The following CAMTA1 variants were observed in gnomAD, a reference collection of about 807,000 sequenced individuals.
The protein encoded by CAMTA1 is calmodulin binding transcription activator 1.
In CAMTA1, 27 loss-of-function variants were observed where a neutral mutation model predicts 170.9. That is an observed-to-expected ratio of 0.16 (90% CI 0.12 to 0.22). CAMTA1 has a LOEUF of 0.22. CAMTA1 is among the 10% of genes least tolerant of loss of function. The pLI, the probability that CAMTA1 is intolerant of heterozygous loss-of-function variation, is 1.00. For synonymous variants in CAMTA1, 833 were observed against 891.5 expected, an observed-to-expected ratio of 0.93 and a Z score of 1.17; for missense variants, 1,619 against 2,217.2, an observed-to-expected ratio of 0.73 and a Z score of 5.42.
chr1:6,845,604 CT>C (rs1415267040), intron 3 of CAMTA1, among the ~76,000 whole-genome samples: 1 of 152,170 alleles, frequency 6.6e-6, no homozygotes, highest in Non-Finnish European at 1.5e-5. Context: ...ATGTTGAAAA[CT>C]TTAAAGAAAC....
At position 7,566,570 on chromosome 1, in the gene CAMTA1, C is replaced by T. The variant is rs923923541; in HGVS notation, c.511-73830C>T. ...AACCTGGCCTAAGCAGGCAGGCAGC[C>T]CCAGCTCCAAGAAAATCACATGACC... On this transcript the variant is annotated intron_variant, in intron 6 of 22. Coordinates refer to ENST00000303635, the MANE Select transcript of CAMTA1 (RefSeq NM_015215.4). Among the ~76,000 whole-genome samples, 4 of 152,098 alleles carry T rather than the reference C, an allele frequency of 2.6e-5. No homozygotes were observed. The East Asian group carries it at 5.8e-4, about 22-fold the overall frequency.
chr1:7,488,199 C>T lies in CAMTA1; in HGVS notation c.510+20298C>T, dbSNP rs538488839. 5.6e-4 allele frequency among the ~76,000 whole-genome samples: 85 copies of T among 152,300 alleles called. 1 individual carries two copies. Among genetic ancestry groups the T allele is most frequent in the African/African-American group, 1.8e-3 (74 of 41,560 alleles). ...TCTAGAATCTCTCTAGGTGCTTGAT[C>T]CCAGGAGCTCTCAGGTGACCAGAGC... On this transcript the variant is annotated intron_variant, in intron 6 of 22. Coordinates refer to ENST00000303635, the MANE Select transcript of CAMTA1 (RefSeq NM_015215.4).
chr1:6,932,835 C>T (rs920450032), intron 3 of CAMTA1, among the ~76,000 whole-genome samples: 19 of 152,124 alleles, frequency 1.2e-4, no homozygotes, highest in African/African-American at 3.4e-4. Flanking sequence ...TTAAAAAAGT[C>T]GGGCTGTGTT....
intron 6 of CAMTA1, among the ~76,000 whole-genome samples, chr1:7,533,665 C>T (rs553830407): frequency 6.6e-6 from 1 of 152,282 alleles, no homozygotes; most frequent in Admixed American, 6.5e-5. Flanking sequence ...GTAATCCCAG[C>T]ACTTTGGGAG....
chr1:7,078,192 A>C (rs116552176), intron 3 of CAMTA1, among the ~76,000 whole-genome samples: 2 of 152,236 alleles, frequency 1.3e-5, no homozygotes, highest in African/African-American at 4.8e-5. Flanking sequence ...ACGCACATAG[A>C]ATCCTGCCAA....
chr1:6,844,893 C>T (rs1271216826), intron 3 of CAMTA1, among the ~76,000 whole-genome samples: 2 of 152,038 alleles, frequency 1.3e-5, no homozygotes, highest in Non-Finnish European at 2.9e-5. Flanking sequence ...ACATAAGTAA[C>T]TCGTGGATAT....
chr1:7,288,234 T>A (rs1351839054), intron 5 of CAMTA1, among the ~76,000 whole-genome samples: 3 of 152,228 alleles, frequency 2.0e-5, no homozygotes, highest in African/African-American at 7.2e-5. Context: ...CGTGGGGGTA[T>A]GAGAATACAC....
chr1:7,582,766 T>G lies in CAMTA1; in HGVS notation c.511-57634T>G, dbSNP rs1271457479. Among the ~76,000 whole-genome samples, 4 of 152,006 alleles carry G rather than the reference T, an allele frequency of 2.6e-5. No homozygotes were observed. In the East Asian group the frequency reaches 7.8e-4, roughly 30 times the overall value. ...AAACCACTGGCCAAGCAGAGTCACA[T>G]GGCTAGCTGCAGAGGGAGCTGGGAA... On this transcript the variant is annotated intron_variant, in intron 6 of 22. Coordinates refer to ENST00000303635, the MANE Select transcript of CAMTA1 (RefSeq NM_015215.4).
intron 6 of CAMTA1, among the ~76,000 whole-genome samples, chr1:7,498,076 G>A (rs1339203330): frequency 6.6e-6 from 1 of 152,104 alleles, no homozygotes; most frequent in Non-Finnish European, 1.5e-5. Flanking sequence ...GTGGGGAAGG[G>A]GTGCGGGGAG....
intron 6 of CAMTA1, among the ~76,000 whole-genome samples, chr1:7,558,443 C>A (rs956207781): frequency 1.3e-5 from 2 of 152,354 alleles, no homozygotes; most frequent in East Asian, 1.9e-4. Flanking sequence ...CCAGCAGGGC[C>A]CAGACAGCTG....
intron 4 of CAMTA1, among the ~76,000 whole-genome samples, chr1:7,199,588 G>A (rs1656260672): frequency 6.6e-6 from 1 of 152,126 alleles, no homozygotes; most frequent in Non-Finnish European, 1.5e-5. Flanking sequence ...TCCCACCCAA[G>A]GCAGCGGTGG....
chr1:7,451,954 C>T (rs549315993), intron 5 of CAMTA1, among the ~76,000 whole-genome samples: 1 of 152,304 alleles, frequency 6.6e-6, no homozygotes, highest in South Asian at 2.1e-4. Flanking sequence ...GGCAGGTGGG[C>T]CCCTTAGAAG....
intron 4 of CAMTA1, among the ~76,000 whole-genome samples, chr1:7,118,537 T>G (rs1383050108): frequency 6.6e-6 from 1 of 151,990 alleles, no homozygotes; most frequent in Non-Finnish European, 1.5e-5. Flanking sequence ...AAGAGTGGGA[T>G]GGCTGTTGGC....
chr1:7,710,439 A>C (rs1441779720), intron 11 of CAMTA1, among the ~76,000 whole-genome samples: 2 of 151,938 alleles, frequency 1.3e-5, no homozygotes, highest in African/African-American at 4.8e-5. Flanking sequence ...CTTTAAAAAA[A>C]ATTTAAAACA....
At chr1:6,807,621 G>A (rs1429231933) in intron 1 of CAMTA1, among the ~76,000 whole-genome samples, 1 of 151,868 alleles carries the variant, frequency 6.6e-6, no homozygotes. Flanking sequence ...TTGGGAGGCT[G>A]AGGCAGGAGA....
At chr1:7,615,772 G>C (rs1030326055) in intron 6 of CAMTA1, among the ~76,000 whole-genome samples, 1 of 152,166 alleles carries the variant, frequency 6.6e-6, no homozygotes, top group East Asian at 1.9e-4. Context: ...CCTGCAAGAC[G>C]GATGGCTGGC....
intron 6 of CAMTA1, among the ~76,000 whole-genome samples, chr1:7,583,021 C>T (rs531959491): frequency 1.3e-5 from 2 of 152,166 alleles, no homozygotes; most frequent in Non-Finnish European, 2.9e-5. Context: ...GCCTGGAGTG[C>T]ACACGCTCCA....
At chr1:7,638,246 A>C (rs545089287) in intron 6 of CAMTA1, among the ~76,000 whole-genome samples, 21 of 152,318 alleles carry the variant, frequency 1.4e-4, no homozygotes, top group African/African-American at 4.6e-4. Flanking sequence ...GCTTTCCTCT[A>C]TCAGGAGGAA....
chr1:7,457,251 G>A (rs1295771325), intron 5 of CAMTA1, among the ~76,000 whole-genome samples: 1 of 152,060 alleles, frequency 6.6e-6, no homozygotes, highest in Non-Finnish European at 1.5e-5. Flanking sequence ...TAAAGCTGAA[G>A]CTCCAGATAT....
Sources: gnomAD v4.1 joint callset for allele counts (sites outside exome capture counted in the v4.1 genomes callset) on GRCh38, gnomAD v4.1.1 for gene constraint, MANE v1.5 for transcripts, NCBI Gene and HGNC (gene_info 2026-07-23, HGNC 2026-07-21) for gene names.